Variants in MRPL45 observed in about 807,000 individuals in gnomAD.
MRPL45 encodes large ribosomal subunit protein mL45.
MRPL45 carries 20 observed loss-of-function variants against 38.1 expected under a neutral mutation model. That is an observed-to-expected ratio of 0.53 (90% CI 0.37 to 0.76). MRPL45 has a LOEUF of 0.76. Among genes scored for constraint, MRPL45 ranks in the 30% least tolerant of loss-of-function variants. The probability of loss-of-function intolerance (pLI) is 0.00; values close to 1 mark genes in which losing one functional copy is unlikely to be tolerated. For missense variants in MRPL45, 337 were observed against 395.6 expected (o/e 0.85, Z 1.26); for synonymous variants, 105 against 128.8 (o/e 0.82, Z 1.25).
In MRPL45 at chr17:38,311,106, A is replaced by G. The variant is rs538475412; in HGVS notation, c.461+4475A>G. 1.4e-4 allele frequency among the ~76,000 whole-genome samples: 21 copies of G among 152,276 alleles called. No individual in the cohort carries two copies. The South Asian group carries it at 3.7e-3, about 27-fold the overall frequency. On this transcript the variant is annotated intron_variant, in intron 4 of 7. Transcript: ENST00000613675. Reference sequence around the variant, plus strand: ...ACATTCACAATGTTGTACAATTCTTACCACTATCCATTTCCAGATTTTGTT... The same window carrying G: ...ACATTCACAATGTTGTACAATTCTTGCCACTATCCATTTCCAGATTTTGTT...
chr17:38,313,543 T>A (rs2037146257), intron 4 of MRPL45, among the ~76,000 whole-genome samples: 3 of 150,608 alleles, frequency 2.0e-5, no homozygotes, highest in Admixed American at 1.3e-4. Context: ...ATAATAGGCA[T>A]CCTCATGGGT....
At chr17:38,316,419 A>G (rs1414865182) in intron 4 of MRPL45, among the ~76,000 whole-genome samples, 1 of 151,924 alleles carries the variant, frequency 6.6e-6, no homozygotes, top group South Asian at 2.1e-4. Flanking sequence ...TTCTTTGTCC[A>G]TGGTTTCCTT....
Position 38,313,364 on chromosome 17 carries a change from ATACG to A in MRPL45, c.462-5320_462-5317del, listed in dbSNP as rs1277960963. ...TATATATACGTATATATATATATAT[ATACG>A]TATATATATATATATACATATATAT... is the stretch of plus-strand genomic sequence containing the variant. On this transcript the variant is annotated intron_variant, in intron 4 of 7. Coordinates refer to ENST00000613675, the MANE Select transcript of MRPL45 (RefSeq NM_032351.6). Among the ~76,000 whole-genome samples, 10 of 22,644 alleles carry A rather than the reference ATACG, an allele frequency of 4.4e-4. 1 individual carries two copies. Among genetic ancestry groups the A allele is most frequent in the African/African-American group, 1.7e-3 (10 of 5,810 alleles). 14.9% of individuals were successfully genotyped at this position (22,644 alleles called of 152,430 possible).
chr17:38,297,754 G>T (rs1302507100), intron 1 of MRPL45, among the ~76,000 whole-genome samples: 2 of 152,094 alleles, frequency 1.3e-5, no homozygotes, highest in African/African-American at 4.8e-5. Flanking sequence ...AAAATATCAC[G>T]AGTACATATG....
chr17:38,305,331 G>T (rs1040763030), intron 3 of MRPL45, among the ~76,000 whole-genome samples: 8 of 142,918 alleles, frequency 5.6e-5, no homozygotes, highest in Non-Finnish European at 1.2e-4. Flanking sequence ...GGCGGGCGGG[G>T]TGATGTGTGC....
In MRPL45 at chr17:38,306,615, C is replaced by T; in HGVS notation, c.445C>T (p.His149Tyr). The T allele has an allele frequency of 6.2e-7, 1 of 1,613,558 alleles. No homozygotes were observed. Among genetic ancestry groups the T allele is most frequent in the Non-Finnish European group, 8.5e-7 (1 of 1,179,854 alleles). ...AGCTAAGGATATCTTTATTGAAGCT[C>T]ACCTTTGTCTAAATAAGTAAGTGAA... Reference protein sequence around the residue: ...EKAKDIFIEAHLCLNNSDHDR... With the variant: ...EKAKDIFIEAYLCLNNSDHDR... Residue 149 changes from histidine (H) to tyrosine (Y), a missense_variant, in exon 4 of 8, where the codon CAC becomes TAC. Physicochemically the swap from His to Tyr is moderately conservative, Grantham distance 83. This residue lies in a region of MRPL45 where 251 missense variants were observed against 269.1 expected (regional missense o/e 0.93). Transcript: ENST00000613675.
At chr17:38,318,869 C>T in intron 5 of MRPL45, 134 bp downstream of exon 5, 1 of 732,404 alleles carries the variant, frequency 1.4e-6, no homozygotes, top group Non-Finnish European at 2.3e-6. Flanking sequence ...CTCTTGTTGC[C>T]CAGGCTGGAG....
intron 1 of MRPL45, among the ~76,000 whole-genome samples, chr17:38,297,508 T>C (rs1224751629): frequency 6.6e-6 from 1 of 152,014 alleles, no homozygotes; most frequent in African/African-American, 2.4e-5. Context: ...GGCGAGGAGA[T>C]ATTAAAGGAG....
intron 3 of MRPL45, among the ~76,000 whole-genome samples, chr17:38,302,842 A>G (rs983312221): frequency 1.3e-3 from 199 of 148,966 alleles, no homozygotes; most frequent in African/African-American, 4.8e-3. Context: ...CTCCTGCCTC[A>G]GCCTCCCGAG....
chr17:38,312,298 G>A (rs1216047598), intron 4 of MRPL45, among the ~76,000 whole-genome samples: 4 of 152,080 alleles, frequency 2.6e-5, no homozygotes, highest in Admixed American at 6.6e-5. Flanking sequence ...CGCCTGCCTC[G>A]GCCTCCGTAA....
chr17:38,305,396 G>A, intron 3 of MRPL45, among the ~76,000 whole-genome samples: 1 of 145,774 alleles, frequency 6.9e-6, no homozygotes, highest in East Asian at 2.2e-4. Context: ...GAACCCAGGA[G>A]GCAGAGGTTG....
chr17:38,302,508 TTG>T (rs1327518607), intron 3 of MRPL45, among the ~76,000 whole-genome samples: 3,765 of 80,174 alleles, frequency 0.047, 204 homozygotes, highest in Middle Eastern at 0.12. Context: ...AAAAAAAAGT[TTG>T]TTTTTTTTTT....
chr17:38,298,165 C>A, intron 1 of MRPL45, among the ~76,000 whole-genome samples: 1 of 152,286 alleles, frequency 6.6e-6, no homozygotes, highest in Non-Finnish European at 1.5e-5. Flanking sequence ...TTGAAACTTG[C>A]TTTGATCAAC....
chr17:38,315,329 C>G (rs915640572), intron 4 of MRPL45, among the ~76,000 whole-genome samples: 3 of 152,104 alleles, frequency 2.0e-5, no homozygotes, highest in African/African-American at 7.3e-5. Flanking sequence ...ATGATAGCTG[C>G]ACTGCAGCCT....
chr17:38,315,414 C>G lies in MRPL45; in HGVS notation c.462-3273C>G, dbSNP rs557482906. ...GGACTACAGGTGTGTGCCACAGCAC[C>G]TGGCTAATTTTTTTTTTTTTTTTCT... On this transcript the variant is annotated intron_variant, in intron 4 of 7. Coordinates refer to ENST00000613675, the MANE Select transcript of MRPL45 (RefSeq NM_032351.6). Among the ~76,000 whole-genome samples, 181 of 151,716 alleles carry G rather than the reference C, an allele frequency of 1.2e-3. 1 individual carries two copies. Among genetic ancestry groups the G allele is most frequent in the African/African-American group, 4.2e-3 (173 of 41,214 alleles).
chr17:38,298,837 A>G (rs1040790342), intron 2 of MRPL45, among the ~76,000 whole-genome samples: 2 of 152,040 alleles, frequency 1.3e-5, no homozygotes, highest in African/African-American at 2.4e-5. Flanking sequence ...AAATTTCTCC[A>G]TTTTGTGGAA....
chr17:38,314,918 T>C (rs771423569), intron 4 of MRPL45, among the ~76,000 whole-genome samples: 5 of 152,236 alleles, frequency 3.3e-5, no homozygotes, highest in Non-Finnish European at 5.9e-5. Context: ...TTAGTTTCAA[T>C]AATATACAAA....
intron 5 of MRPL45, among the ~76,000 whole-genome samples, 195 bp downstream of exon 5, chr17:38,318,930 C>T (rs1227615739): frequency 6.6e-6 from 1 of 150,706 alleles, no homozygotes; most frequent in East Asian, 1.9e-4. Flanking sequence ...CAGGTTCAAG[C>T]GATTCTCCTG....
rs747141912 is a variant in MRPL45, at chr17:38,320,599, T to C, written c.511-19T>C. 3 of 1,610,766 alleles carry C rather than the reference T, an allele frequency of 1.9e-6. No homozygotes were observed. In the African/African-American group the frequency reaches 4.0e-5, roughly 22 times the overall value. ...AGGGAGGGAAAAATGCAGTTGAACT[T>C]GTTCTCCTTTGCCCTTAGGACATGA... On this transcript the variant is annotated intron_variant, in intron 5 of 7. Coordinates refer to ENST00000613675, the MANE Select transcript of MRPL45 (RefSeq NM_032351.6).
Sources: allele counts gnomAD v4.1 joint callset (sites outside exome capture counted in the v4.1 genomes callset), GRCh38; gene constraint gnomAD v4.1.1; regional missense constraint gnomAD v4.1.1; transcripts MANE v1.5; gene names NCBI Gene and HGNC (gene_info 2026-07-23, HGNC 2026-07-21).